The following RYR2 variants were observed in gnomAD, a reference collection of about 807,000 sequenced individuals.
RYR2 encodes the protein cardiac muscle ryanodine receptor-calcium release channel.
A neutral mutation model predicts 601.1 loss-of-function variants in RYR2; 227 were observed. The ratio of observed to expected loss-of-function variants is 0.38; its 90% CI spans 0.34 to 0.42. The LOEUF is 0.42. RYR2 is among the 10% of genes least tolerant of loss of function. RYR2 has a pLI of 1.00. For missense variants in RYR2, 4,646 were observed against 6,156.5 expected (o/e 0.75, Z 8.21); for synonymous variants, 2,223 against 2,175.1 (o/e 1.02, Z -0.61).
At chr1:237,276,892 T>C (rs1006165106) in intron 2 of RYR2, among the ~76,000 whole-genome samples, 18 of 152,264 alleles carry the variant, frequency 1.2e-4, no homozygotes, top group Admixed American at 1.1e-3. Flanking sequence ...TTCCAAAGCA[T>C]AATAAAAGAA....
At chr1:237,173,346 G>A (rs1232696454) in intron 1 of RYR2, among the ~76,000 whole-genome samples, 2 of 152,122 alleles carry the variant, frequency 1.3e-5, no homozygotes, top group African/African-American at 2.4e-5. Context: ...TATGCCTTGG[G>A]CAAATTACTT....
intron 1 of RYR2, among the ~76,000 whole-genome samples, chr1:237,166,600 A>G (rs1676741060): frequency 6.6e-6 from 1 of 152,232 alleles, no homozygotes; most frequent in Non-Finnish European, 1.5e-5. Flanking sequence ...GGCAAAATCT[A>G]GCATGTATGT....
In RYR2 at chr1:237,706,484, G is replaced by T. The variant is rs73099995; in HGVS notation, c.9581-465G>T. On this transcript the variant is annotated intron_variant, in intron 67 of 104. Transcript: ENST00000366574. Reference sequence around the variant, plus strand: ...TTGTTCCTGAGGACGGAGAGTGCCTGGATAGCTAAGTAATCCAGGAAAGAT... The same window carrying T: ...TTGTTCCTGAGGACGGAGAGTGCCTTGATAGCTAAGTAATCCAGGAAAGAT... Among the ~76,000 whole-genome samples the T allele has an allele frequency of 1.6e-3, 248 of 152,270 alleles. 2 individuals carry two copies. Among genetic ancestry groups the T allele is most frequent in the African/African-American group, 5.2e-3 (217 of 41,556 alleles).
At chr1:237,222,338 G>A (rs558548801) in intron 1 of RYR2, among the ~76,000 whole-genome samples, 1 of 151,734 alleles carries the variant, frequency 6.6e-6, no homozygotes, top group African/African-American at 2.4e-5. Flanking sequence ...GCGTGAACCT[G>A]GGAGGCGGAG....
At position 237,627,873 on chromosome 1, in the gene RYR2, C is replaced by T. The variant is rs1158268722; in HGVS notation, c.6233C>T (p.Pro2078Leu). The T allele has an allele frequency of 6.8e-6, 11 of 1,613,506 alleles. No homozygotes were observed. Among genetic ancestry groups the T allele is most frequent in the Non-Finnish European group, 9.3e-6 (11 of 1,179,750 alleles). Residue 2078 changes from proline (P) to leucine (L), a missense_variant, in exon 41 of 105, where the codon CCC (proline) becomes CTC (leucine). By Grantham distance (98) the Pro-to-Leu change is moderately conservative. This residue lies in a region of RYR2 where 170 missense variants were observed against 184.5 expected (regional missense o/e 0.92). Coordinates refer to ENST00000366574, the MANE Select transcript of RYR2 (RefSeq NM_001035.3). ...GCTCAGGAGTCTGTCATTGAAGACC[C>T]CGAGCTGGTGAGGGCCATGTTTGTG... Reference protein sequence around the residue: ...RWAQESVIEDPELVRAMFVLL... With the variant: ...RWAQESVIEDLELVRAMFVLL...
At chr1:237,243,097 T>A (rs564830618) in intron 1 of RYR2, among the ~76,000 whole-genome samples, 21 of 151,662 alleles carry the variant, frequency 1.4e-4, no homozygotes, top group African/African-American at 4.8e-4. Flanking sequence ...TTTCCCCTGC[T>A]GTCACACCAC....
intron 1 of RYR2, among the ~76,000 whole-genome samples, chr1:237,099,689 C>T (rs1176814900): frequency 6.6e-6 from 1 of 152,176 alleles, no homozygotes; most frequent in South Asian, 2.1e-4. Context: ...ATCAATAGAA[C>T]CTTCTTTTGC....
At chr1:237,565,232 T>TTTG (rs1157430372) in intron 27 of RYR2, among the ~76,000 whole-genome samples, 1 of 148,500 alleles carries the variant, frequency 6.7e-6, no homozygotes, top group Non-Finnish European at 1.5e-5. Context: ...TCTTTTGTCT[T>TTTG]TCTTTCTTTC....
chr1:237,549,788 T>G (rs1670199763), intron 26 of RYR2, among the ~76,000 whole-genome samples: 1 of 151,974 alleles, frequency 6.6e-6, no homozygotes, highest in African/African-American at 2.4e-5. Context: ...AGGAAGTGAA[T>G]GGAAAGAAGT....
chr1:237,290,987 A>T (rs1027396477), intron 2 of RYR2, among the ~76,000 whole-genome samples: 2 of 152,200 alleles, frequency 1.3e-5, no homozygotes, highest in South Asian at 4.1e-4. Context: ...TGACAATGGA[A>T]AATGGTGACA....
intron 8 of RYR2, among the ~76,000 whole-genome samples, chr1:237,381,060 A>T (rs539161915): frequency 1.3e-5 from 2 of 152,042 alleles, no homozygotes; most frequent in Admixed American, 6.5e-5. Flanking sequence ...CCTGGGCGAC[A>T]AGAGTGAAAT....
chr1:237,229,491 G>A, intron 1 of RYR2, among the ~76,000 whole-genome samples: 1 of 152,154 alleles, frequency 6.6e-6, no homozygotes, highest in African/African-American at 2.4e-5. Flanking sequence ...GGGAAAGTTG[G>A]AAGGCTGTAA....
At chr1:237,809,569 T>C (rs961235879) in intron 100 of RYR2, among the ~76,000 whole-genome samples, 11 of 152,144 alleles carry the variant, frequency 7.2e-5, no homozygotes, top group African/African-American at 1.7e-4. Flanking sequence ...CTCTCTAATA[T>C]TGGCAGCTGA....
At chr1:237,115,233 C>T (rs1669923983) in intron 1 of RYR2, among the ~76,000 whole-genome samples, 1 of 121,586 alleles carries the variant, frequency 8.2e-6, no homozygotes. Context: ...TCGTGGAAAC[C>T]ACACCCCCCC....
At chr1:237,448,761 T>C (rs902734550) in intron 14 of RYR2, among the ~76,000 whole-genome samples, 12 of 152,168 alleles carry the variant, frequency 7.9e-5, no homozygotes, top group African/African-American at 2.4e-4. Flanking sequence ...TATTCTTTTC[T>C]ATGACATGTA....
chr1:237,132,240 A>G lies in RYR2; in HGVS notation c.48+89671A>G, dbSNP rs546416477. On this transcript the variant is annotated intron_variant, in intron 1 of 104. Coordinates refer to ENST00000366574, the MANE Select transcript of RYR2 (RefSeq NM_001035.3). Reference sequence around the variant, plus strand: ...GTAATCTATAGCGGGGCCTGTGTGGAGATGAATTGAGCCTTCTGCCAACAA... The same window carrying G: ...GTAATCTATAGCGGGGCCTGTGTGGGGATGAATTGAGCCTTCTGCCAACAA... Among the ~76,000 whole-genome samples, 88 of 152,350 alleles carry G rather than the reference A, an allele frequency of 5.8e-4. 1 individual carries two copies. Among genetic ancestry groups the G allele is most frequent in the Middle Eastern group, 6.8e-3 (2 of 294 alleles).
chr1:237,754,200 G>C (rs1692760509), intron 80 of RYR2, among the ~76,000 whole-genome samples: 1 of 147,920 alleles, frequency 6.8e-6, no homozygotes, highest in Non-Finnish European at 1.5e-5. Flanking sequence ...TCAAAACATT[G>C]ATTATTAAAA....
At chr1:237,698,664 G>C (rs1687703950) in intron 63 of RYR2, among the ~76,000 whole-genome samples, 1 of 148,930 alleles carries the variant, frequency 6.7e-6, no homozygotes, top group Non-Finnish European at 1.5e-5. Flanking sequence ...ACAGTGAGAT[G>C]GGAGGGAGAG....
At chr1:237,382,117 T>C (rs1424596493) in intron 8 of RYR2, among the ~76,000 whole-genome samples, 1 of 152,228 alleles carries the variant, frequency 6.6e-6, no homozygotes, top group Non-Finnish European at 1.5e-5. Context: ...GCCCAAATGT[T>C]TTCAATCTGT....
Sources: gnomAD v4.1 joint callset for allele counts (sites outside exome capture counted in the v4.1 genomes callset) on GRCh38, gnomAD v4.1.1 for gene constraint, gnomAD v4.1.1 regional missense constraint, MANE v1.5 for transcripts, NCBI Gene and HGNC (gene_info 2026-07-23, HGNC 2026-07-21) for gene names.